Variants in CLNK observed in about 807,000 individuals in gnomAD.
CLNK encodes cytokine dependent hematopoietic cell linker, also known as cytokine-dependent hematopoietic cell linker.
Under a neutral mutation model 68.6 loss-of-function variants are expected in CLNK, and 74 were observed. That is an observed-to-expected ratio of 1.08 (90% CI 0.89 to 1.31). CLNK has a LOEUF of 1.31. Ranked by LOEUF, CLNK falls within the 50% of genes most tolerant of loss-of-function variation. The pLI is 0.00. For missense variants in CLNK, 553 were observed against 515.3 expected (o/e 1.07, Z -0.71); for synonymous variants, 198 against 172.2 (o/e 1.15, Z -1.17).
rs571697977 is a variant in CLNK, at chr4:10,548,122, G to A, written c.446-5842C>T. Among the ~76,000 whole-genome samples, 11 of 152,274 alleles carry A rather than the reference G, an allele frequency of 7.2e-5. No homozygotes were observed. The South Asian group carries it at 1.5e-3, about 20-fold the overall frequency. ...TCTCACCAACTGTGTGCAAGGGATC[G>A]CTTTTCTCCATATTCTTGCCAACAC... On this transcript the variant is annotated intron_variant, in intron 8 of 18. Coordinates refer to ENST00000226951, the MANE Select transcript of CLNK (RefSeq NM_052964.4).
the CLNK span, among the ~76,000 whole-genome samples, chr4:10,696,025 T>C: frequency 1.3e-5 from 2 of 152,022 alleles, no homozygotes; most frequent in African/African-American, 4.8e-5. Flanking sequence ...CTGGTAAATT[T>C]TTGTATTTTT....
upstream of CLNK, among the ~76,000 whole-genome samples, chr4:10,688,231 C>T (rs1204133865): frequency 3.3e-5 from 5 of 152,064 alleles, no homozygotes; most frequent in Non-Finnish European, 7.4e-5. Context: ...GATTTAATAG[C>T]GGATGTGCGG....
intron 2 of CLNK, among the ~76,000 whole-genome samples, chr4:10,617,459 T>C (rs922023346): frequency 3.3e-5 from 5 of 152,214 alleles, no homozygotes; most frequent in Non-Finnish European, 7.3e-5. Flanking sequence ...GATATGTAAC[T>C]GTAAGGTATG....
chr4:10,726,970 A>C, the CLNK span, among the ~76,000 whole-genome samples: 142,911 of 152,240 alleles, frequency 0.94, 67,207 homozygotes, highest in East Asian at 1. Flanking sequence ...GACGGGCCAA[A>C]ATGCAATAGG....
chr4:10,704,199 C>T, the CLNK span, among the ~76,000 whole-genome samples: 193 of 152,014 alleles, frequency 1.3e-3, no homozygotes, highest in Non-Finnish European at 1.3e-3. Flanking sequence ...AGAGAGAGAG[C>T]GAGAGAGACC....
the CLNK span, among the ~76,000 whole-genome samples, chr4:10,734,379 G>A: frequency 6.6e-6 from 1 of 152,192 alleles, no homozygotes; most frequent in Non-Finnish European, 1.5e-5. Context: ...GTACTGTCAA[G>A]TGAGACAAAC....
At chr4:10,565,337 T>C (rs894543644) in intron 6 of CLNK, among the ~76,000 whole-genome samples, 1 of 152,204 alleles carries the variant, frequency 6.6e-6, no homozygotes, top group African/African-American at 2.4e-5. Flanking sequence ...TTTCTCCAAA[T>C]ACACTTCTAT....
the CLNK span, among the ~76,000 whole-genome samples, chr4:10,725,586 C>A: frequency 6.6e-6 from 1 of 152,128 alleles, no homozygotes. Flanking sequence ...TTCTGTAGGA[C>A]ATTTAGAAAT....
chr4:10,680,780 T>C (rs994246672), intron 1 of CLNK, among the ~76,000 whole-genome samples: 7 of 152,152 alleles, frequency 4.6e-5, no homozygotes, highest in African/African-American at 1.7e-4. Flanking sequence ...AAATAACTTG[T>C]CTAAAACCAT....
chr4:10,653,650 AC>A (rs1330721067), intron 2 of CLNK, among the ~76,000 whole-genome samples: 1 of 152,228 alleles, frequency 6.6e-6, no homozygotes, highest in Non-Finnish European at 1.5e-5. Flanking sequence ...CAATGAAATA[AC>A]AAACTCATAT....
chr4:10,525,883 A>G lies in CLNK; in HGVS notation c.689T>C (p.Leu230Ser), dbSNP rs758101939. ...AATCTCTTGAGTATTTTGGTTTTCT[A>G]ACAGATGAGTTGATTCAGGCTTCCT... Reference protein sequence around the residue: ...NQRKPESTHLLENQNTQEIPL... With the variant: ...NQRKPESTHLSENQNTQEIPL... The change falls in exon 14 of 19, where the codon TTA (leucine) becomes TCA (serine). Residue 230 changes from leucine to serine, a missense_variant. By Grantham distance (145) the Leu-to-Ser change is moderately radical. Transcript: ENST00000226951. 25 of 1,583,396 alleles carry G rather than the reference A, an allele frequency of 1.6e-5. No homozygotes were observed. The highest frequency in any genetic ancestry group is 2.1e-5 in the Non-Finnish European group (24 of 1,162,942).
At chr4:10,668,015 G>T in intron 1 of CLNK, 104 bp from the exon 2 acceptor site, 1 of 537,690 alleles carries the variant, frequency 1.9e-6, no homozygotes, top group Non-Finnish European at 3.3e-6. Context: ...ACAGGTGCTG[G>T]TTTAAAGGAA....
chr4:10,509,337 G>A (rs564250870), intron 16 of CLNK, among the ~76,000 whole-genome samples: 1 of 152,162 alleles, frequency 6.6e-6, no homozygotes, highest in East Asian at 1.9e-4. Context: ...ACTCAACCCT[G>A]CAGCCTCACT....
At position 10,644,701 on chromosome 4, in the gene CLNK, A is replaced by G. The variant is rs1458642702; in HGVS notation, c.11+23158T>C. On this transcript the variant is annotated intron_variant, in intron 2 of 18. Coordinates refer to ENST00000226951, the MANE Select transcript of CLNK (RefSeq NM_052964.4). ...AAAATAACATTAATGCAAACAATTC[A>G]TAATAAAAATCAAATTTTAAAACAA... 5.9e-5 allele frequency among the ~76,000 whole-genome samples: 9 copies of G among 152,264 alleles called. No individual in the cohort carries two copies. In the East Asian group the frequency reaches 1.5e-3, roughly 26 times the overall value.
chr4:10,635,414 A>G (rs1349655570), intron 2 of CLNK, among the ~76,000 whole-genome samples: 3 of 152,180 alleles, frequency 2.0e-5, no homozygotes, highest in African/African-American at 7.2e-5. Flanking sequence ...TCTCTTGGCC[A>G]GAATTTAGCT....
At chr4:10,606,237 C>T (rs1352803567) in intron 2 of CLNK, among the ~76,000 whole-genome samples, 1 of 152,100 alleles carries the variant, frequency 6.6e-6, no homozygotes, top group African/African-American at 2.4e-5. Flanking sequence ...AAAATTAAGA[C>T]AGTAACACAC....
chr4:10,649,027 G>A (rs1029211965), intron 2 of CLNK, among the ~76,000 whole-genome samples: 2 of 152,152 alleles, frequency 1.3e-5, no homozygotes, highest in East Asian at 1.9e-4. Flanking sequence ...TTGGCATGCA[G>A]TAAGAGCTTA....
intron 2 of CLNK, among the ~76,000 whole-genome samples, chr4:10,625,991 C>T (rs955268723): frequency 3.3e-5 from 5 of 152,358 alleles, no homozygotes; most frequent in African/African-American, 9.6e-5. Flanking sequence ...CAGAAACATT[C>T]GTGTGTGGAA....
At chr4:10,609,192 C>T (rs1207036332) in intron 2 of CLNK, among the ~76,000 whole-genome samples, 2 of 152,224 alleles carry the variant, frequency 1.3e-5, no homozygotes, top group Non-Finnish European at 2.9e-5. Context: ...CTTCTCTTTT[C>T]CCCATACTCC....
Sources: gnomAD v4.1 joint callset for allele counts (sites outside exome capture counted in the v4.1 genomes callset) on GRCh38, gnomAD v4.1.1 for gene constraint, MANE v1.5 for transcripts, NCBI Gene and HGNC (gene_info 2026-07-23, HGNC 2026-07-21) for gene names.